DGKB: variants seen among roughly 807,000 people sequenced by gnomAD.
DGKB encodes the protein 90 kDa diacylglycerol kinase.
In DGKB, 67 loss-of-function variants were observed where a neutral mutation model predicts 114.3. That is an observed-to-expected ratio of 0.59 (90% CI 0.48 to 0.72). The LOEUF is 0.72. Among genes scored for constraint, DGKB ranks in the 30% least tolerant of loss-of-function variants. The pLI is 0.00. For synonymous variants in DGKB, 398 were observed against 323.1 expected (o/e 1.23, Z -2.49); for missense variants, 907 against 975.2 (o/e 0.93, Z 0.93).
At chr7:14,669,458 T>G (rs1207084729) in intron 13 of DGKB, among the ~76,000 whole-genome samples, 1 of 152,158 alleles carries the variant, frequency 6.6e-6, no homozygotes, top group Non-Finnish European at 1.5e-5. Context: ...TGTCCCCAGA[T>G]AGCCACAGAG....
At chr7:14,383,136 A>G (rs558018639) in intron 21 of DGKB, among the ~76,000 whole-genome samples, 20 of 152,144 alleles carry the variant, frequency 1.3e-4, no homozygotes, top group African/African-American at 4.1e-4. Flanking sequence ...TTGTTTTTCT[A>G]TTTTCAATAG....
chr7:14,698,395 G>T (rs899937763), intron 7 of DGKB, among the ~76,000 whole-genome samples: 5 of 152,054 alleles, frequency 3.3e-5, no homozygotes, highest in African/African-American at 1.2e-4. Context: ...ATTTTCACCA[G>T]GAGAGGGCAC....
chr7:14,863,413 TTTAAA>T (rs1342024155), intron 1 of DGKB, among the ~76,000 whole-genome samples: 4 of 151,586 alleles, frequency 2.6e-5, no homozygotes, highest in African/African-American at 9.6e-5. Flanking sequence ...AATTAAATAA[TTTAAA>T]TTAACTATAA....
Position 14,682,600 on chromosome 7 carries a change from A to G in DGKB, c.988T>C (p.Cys330Arg). The change falls in exon 12 of 26, where the codon TGT (cysteine) becomes CGT (arginine). Residue 330 changes from cysteine (C) to arginine (R), a missense_variant. This residue lies in a region of DGKB where 814 missense variants were observed against 856.6 expected (regional missense o/e 0.95). Transcript: ENST00000402815. ...KCDKCHKTVKCYQGLTGLHCV... is the reference protein window; with the variant it reads ...KCDKCHKTVKRYQGLTGLHCV... ...TGCAGTCCTGTCAGGCCCTGGTAACATTTAACAGTTTTGTGGCACTTATCA... is the reference window on the plus strand; with the variant it reads ...TGCAGTCCTGTCAGGCCCTGGTAACGTTTAACAGTTTTGTGGCACTTATCA... 1 of 1,613,598 alleles carries G rather than the reference A, an allele frequency of 6.2e-7. No individual in the cohort carries two copies. Among genetic ancestry groups the G allele is most frequent in the East Asian group, 2.2e-5 (1 of 44,864 alleles).
intron 20 of DGKB, among the ~76,000 whole-genome samples, chr7:14,534,192 G>A (rs12699641): frequency 0.51 from 76,919 of 151,694 alleles, 20,194 homozygotes; most frequent in East Asian, 0.82. Context: ...AAAGTATAGA[G>A]GGCTCATATA....
chr7:14,212,641 A>G (rs1309985002), intron 23 of DGKB, among the ~76,000 whole-genome samples: 1 of 152,086 alleles, frequency 6.6e-6, no homozygotes, highest in Non-Finnish European at 1.5e-5. Flanking sequence ...ACACATTTTA[A>G]TCCCCAGCTT....
At position 14,463,625 on chromosome 7, in the gene DGKB, AC is replaced by A. The variant is rs375771809; in HGVS notation, c.1835+14535del. On this transcript the variant is annotated intron_variant, in intron 21 of 25. Transcript: ENST00000402815. ...TGGAATGGTGTTAAACTCATCTTCT[AC>A]CCTGAGCAAAAGAAGTCTTTTCTGG... Among the ~76,000 whole-genome samples, 802 of 152,256 alleles carry A rather than the reference AC, an allele frequency of 5.3e-3. 5 individuals carry two copies. Among genetic ancestry groups the A allele is most frequent in the Middle Eastern group, 0.017 (5 of 294 alleles).
chr7:14,810,314 C>T (rs1209233699), intron 2 of DGKB, among the ~76,000 whole-genome samples: 1 of 152,108 alleles, frequency 6.6e-6, no homozygotes, highest in South Asian at 2.1e-4. Flanking sequence ...TTAATCTATA[C>T]CCAGACTGAT....
chr7:14,339,279 G>A (rs1156816680), intron 22 of DGKB, among the ~76,000 whole-genome samples: 2 of 151,912 alleles, frequency 1.3e-5, no homozygotes, highest in East Asian at 3.9e-4. Context: ...TACCAAGGGT[G>A]GTTTCTTGGA....
intron 2 of DGKB, among the ~76,000 whole-genome samples, chr7:14,791,327 T>C (rs901980615): frequency 2.0e-5 from 3 of 152,196 alleles, no homozygotes; most frequent in African/African-American, 7.2e-5. Context: ...TTTTTGGAGA[T>C]TGCTGGAGGT....
chr7:14,898,420 G>A (rs1190555091), intron 1 of DGKB, among the ~76,000 whole-genome samples: 1 of 152,054 alleles, frequency 6.6e-6, no homozygotes, highest in Non-Finnish European at 1.5e-5. Flanking sequence ...ACTGTGACAA[G>A]TCACTTAACC....
chr7:14,701,774 G>C, intron 6 of DGKB, 44 bp from the exon 7 acceptor site: 1 of 1,322,788 alleles, frequency 7.6e-7, no homozygotes, highest in Non-Finnish European at 1.1e-6. Context: ...AGGCAAATAA[G>C]ATCAATGTTA....
At chr7:14,589,365 T>A (rs1284434340) in intron 17 of DGKB, among the ~76,000 whole-genome samples, 1 of 152,098 alleles carries the variant, frequency 6.6e-6, no homozygotes, top group African/African-American at 2.4e-5. Flanking sequence ...TCTCTAGTCT[T>A]TATAATTGTT....
At chr7:14,873,788 C>G (rs1232932848) in intron 1 of DGKB, among the ~76,000 whole-genome samples, 1 of 151,738 alleles carries the variant, frequency 6.6e-6, no homozygotes, top group Admixed American at 6.6e-5. Flanking sequence ...TGCCAAAAGT[C>G]TGAATTAAGT....
rs566830802 is a variant in DGKB at position 14,456,425 on chromosome 7, A to C, written c.1835+21736T>G. 1.7e-4 allele frequency among the ~76,000 whole-genome samples: 26 copies of C among 152,172 alleles called. No individual in the cohort carries two copies. In the South Asian group the frequency reaches 3.5e-3, roughly 21 times the overall value. On this transcript the variant is annotated intron_variant, in intron 21 of 25. Transcript: ENST00000402815. ...GTACCTAGTGGTAACTCAAGCTTTC[A>C]ACATCATTAGAATTTGAGGATGTTA...
At chr7:14,525,553 G>A (rs1790506681) in intron 20 of DGKB, among the ~76,000 whole-genome samples, 1 of 152,064 alleles carries the variant, frequency 6.6e-6, no homozygotes, top group Admixed American at 6.6e-5. Context: ...ACTAATGATT[G>A]GGTACATGTC....
intron 12 of DGKB, among the ~76,000 whole-genome samples, chr7:14,675,303 T>A (rs1010733202): frequency 2.0e-5 from 3 of 152,034 alleles, no homozygotes; most frequent in Non-Finnish European, 4.4e-5. Flanking sequence ...CACACCTCCA[T>A]CCATGTGTTT....
intron 21 of DGKB, among the ~76,000 whole-genome samples, chr7:14,433,932 T>A (rs1828862759): frequency 6.6e-6 from 1 of 152,208 alleles, no homozygotes; most frequent in Non-Finnish European, 1.5e-5. Context: ...ATTTTGTGCA[T>A]GCAACAAAGT....
At chr7:14,642,945 T>C (rs942083239) in intron 13 of DGKB, among the ~76,000 whole-genome samples, 9 of 152,222 alleles carry the variant, frequency 5.9e-5, no homozygotes, top group African/African-American at 1.7e-4. Context: ...CTTTGGATAA[T>C]GCTCATGTAT....
Sources: gnomAD v4.1 joint callset for allele counts (sites outside exome capture counted in the v4.1 genomes callset) on GRCh38, gnomAD v4.1.1 for gene constraint, gnomAD v4.1.1 regional missense constraint, MANE v1.5 for transcripts, NCBI Gene and HGNC (gene_info 2026-07-23, HGNC 2026-07-21) for gene names.